GNL3: variants seen among roughly 807,000 people sequenced by gnomAD.
GNL3 encodes guanine nucleotide-binding protein-like 3.
A neutral mutation model predicts 70.6 loss-of-function variants in GNL3; 77 were observed. The ratio of observed to expected loss-of-function variants is 1.09; its 90% CI spans 0.91 to 1.32. The LOEUF (loss-of-function observed/expected upper bound fraction) is 1.32. GNL3 is among the 40% of genes most tolerant of loss of function. GNL3 has a pLI of 0.00. For missense variants in GNL3, 634 were observed against 644.0 expected (o/e 0.98, Z 0.17); for synonymous variants, 252 against 216.1 (o/e 1.17, Z -1.46).
intron 6 of GNL3, 39 bp from the exon 7 acceptor site, chr3:52,690,553 G>T (rs200088226): frequency 9.2e-6 from 11 of 1,191,904 alleles, no homozygotes; most frequent in Non-Finnish European, 1.4e-5. Context: ...GTGAGCCACC[G>T]TGCCTGGCCG....
chr3:52,690,835 G>A lies in GNL3; in HGVS notation c.655-110G>A, dbSNP rs1287776354. 9.0e-6 allele frequency: 11 copies of A among 1,220,130 alleles called. No individual in the cohort carries two copies. In the African/African-American group the frequency reaches 1.7e-4, roughly 18 times the overall value. The allele number at this position is 1,220,130 out of a possible 1,614,324, so 75.6% of individuals were successfully genotyped here. A position where few individuals can be genotyped will look rare whatever the true frequency, so the allele number is the denominator to read the frequency against. On this transcript the variant is annotated intron_variant, in intron 7 of 14. Coordinates refer to ENST00000418458, the MANE Select transcript of GNL3 (RefSeq NM_014366.5). The stretch of plus-strand genomic sequence containing the variant: ...CTCTGATTTCAGCCAGAGATCATCT[G>A]AAAGGCAATGTAGTTATCTTAAGAG...
chr3:52,685,970 CAG>C, upstream of GNL3: 1 of 756,112 alleles, frequency 1.3e-6, no homozygotes, highest in Non-Finnish European at 2.5e-6. Context: ...CCCGCGCACG[CAG>C]AGAGGCGGTG....
In GNL3 at chr3:52,693,531, AC is replaced by A. The variant is rs2097329451; in HGVS notation, c.1312del (p.Gln438ArgfsTer3). On this transcript the variant is annotated frameshift_variant, in exon 12 of 15. Coordinates refer to ENST00000418458, the MANE Select transcript of GNL3 (RefSeq NM_014366.5). LOFTEE classifies it high-confidence loss of function. ...TGGAAGAACTGGAAAAGAACAATGC[AC>A]AGAGCATAAGAGGTGAGAATTGTGT... ...NLEELEKNNA[Q>X]SIRAIKGPHL... 6.2e-7 allele frequency: 1 copy of A among 1,614,212 alleles called. No individual in the cohort carries two copies. Among genetic ancestry groups the A allele is most frequent in the East Asian group, 2.2e-5 (1 of 44,888 alleles).
chr3:52,694,079 GCA>G lies in GNL3; in HGVS notation c.1545_1546del (p.Leu516ValfsTer2). On this transcript the variant is annotated frameshift_variant, in exon 14 of 15. Transcript: ENST00000418458. LOFTEE classifies it low-confidence loss of function (END_TRUNC). ...GMFAAEETGE[A>X]LSEETTAGEQ... ...GTTTGCTGCAGAAGAGACAGGGGAGGCACTGTCTGAGGAGACTACAGCAGGTG... is the reference window on the plus strand; with the variant it reads ...GTTTGCTGCAGAAGAGACAGGGGAGGCTGTCTGAGGAGACTACAGCAGGTG... 9.3e-6 allele frequency: 15 copies of G among 1,613,052 alleles called. No homozygotes were observed. Among genetic ancestry groups the G allele is most frequent in the African/African-American group, 1.3e-5 (1 of 75,028 alleles).
In GNL3 at chr3:52,694,246, G is replaced by C; in HGVS notation, c.1621G>C (p.Ala541Pro). Residue 541 changes from alanine to proline, a missense_variant, in exon 15 of 15, where the codon GCT becomes CCT. Ala to Pro is a conservative substitution (Grantham distance 27). Coordinates refer to ENST00000418458, the MANE Select transcript of GNL3 (RefSeq NM_014366.5). The part of the protein sequence containing the change: ...ILDKIIEEDD[A>P]YDFSTDYV ...GGATAAAATCATTGAAGAGGATGAT[G>C]CTTATGACTTCAGTACAGATTATGT... is the stretch of plus-strand genomic sequence containing the variant. The C allele has an allele frequency of 6.3e-7, 1 of 1,581,736 alleles. No homozygotes were observed. The highest frequency in any genetic ancestry group is 1.1e-5 in the South Asian group (1 of 90,406).
intron 2 of GNL3, 71 bp from the exon 3 acceptor site, chr3:52,687,175 G>T (rs1325063925): frequency 1.3e-5 from 17 of 1,332,196 alleles, no homozygotes; most frequent in Non-Finnish European, 1.7e-5. Context: ...AGCCAGATTG[G>T]TTTCTCACTT....
intron 2 of GNL3, 151 bp downstream of exon 2, chr3:52,686,978 A>G (rs575383320): frequency 1.5e-6 from 1 of 646,410 alleles, no homozygotes; most frequent in South Asian, 1.9e-5. Context: ...AGGCATCAGG[A>G]GTGCAGCTGT....
chr3:52,691,292 G>T, intron 8 of GNL3: 1 of 607,030 alleles, frequency 1.6e-6, no homozygotes, highest in South Asian at 2.1e-5. Context: ...TTTTTTGTTG[G>T]GACTGATTAC....
At chr3:52,688,018 G>C in intron 4 of GNL3, 91 bp from the exon 5 acceptor site, 1 of 771,492 alleles carries the variant, frequency 1.3e-6, no homozygotes, top group Non-Finnish European at 2.4e-6. Context: ...TTTAACAACT[G>C]CAAGGGCTGC....
intron 6 of GNL3, 62 bp downstream of exon 6, chr3:52,689,268 G>T: frequency 2.1e-6 from 3 of 1,416,644 alleles, no homozygotes; most frequent in Non-Finnish European, 3.0e-6. Context: ...GAAACAGTCT[G>T]ATAGTCACTG....
chr3:52,688,781 A>G (rs1035923793), intron 5 of GNL3: 6 of 379,512 alleles, frequency 1.6e-5, no homozygotes, highest in African/African-American at 4.2e-5. Flanking sequence ...AGAAGGACCT[A>G]TCAAACTATA....
At chr3:52,689,709 T>C (rs567341576) in intron 6 of GNL3, among the ~76,000 whole-genome samples, 1 of 152,286 alleles carries the variant, frequency 6.6e-6, no homozygotes, top group South Asian at 2.1e-4. Context: ...AATTGGCTGC[T>C]TGGGAGGCTG....
chr3:52,687,808 G>C (rs1051698084), intron 4 of GNL3, 193 bp downstream of exon 4: 9 of 596,274 alleles, frequency 1.5e-5, no homozygotes, highest in African/African-American at 1.5e-4. Flanking sequence ...ATTTTTTTTA[G>C]CAGACACGGG....
chr3:52,691,151 C>A, intron 8 of GNL3, 80 bp downstream of exon 8: 1 of 1,276,548 alleles, frequency 7.8e-7, no homozygotes, highest in Non-Finnish European at 1.1e-6. Flanking sequence ...AGTGCCCAAG[C>A]AGCAGTGTAT....
chr3:52,692,034 A>C (rs1447196320), intron 9 of GNL3, among the ~76,000 whole-genome samples: 1 of 152,088 alleles, frequency 6.6e-6, no homozygotes, highest in Non-Finnish European at 1.5e-5. Flanking sequence ...GTGAAAGCAG[A>C]GATTTAAGCC....
chr3:52,690,969 G>A lies in GNL3; in HGVS notation c.679G>A (p.Ala227Thr), dbSNP rs2097326674. The change falls in exon 8 of 15, where the codon GCT becomes ACT. Residue 227 changes from alanine to threonine, a missense_variant. Coordinates refer to ENST00000418458, the MANE Select transcript of GNL3 (RefSeq NM_014366.5). ...TKRVKAKKNA[A>T]PFRSEVCFGK... ...GCGTGTGAAGGCAAAGAAGAATGCT[G>A]CTCCATTCAGAAGTGAAGTCTGCTT... 2 of 1,613,736 alleles carry A rather than the reference G, an allele frequency of 1.2e-6. No individual in the cohort carries two copies. Among genetic ancestry groups the A allele is most frequent in the African/African-American group, 1.3e-5 (1 of 74,934 alleles).
At chr3:52,690,204 A>G (rs1157514390) in intron 6 of GNL3, among the ~76,000 whole-genome samples, 4 of 152,244 alleles carry the variant, frequency 2.6e-5, no homozygotes, top group African/African-American at 9.6e-5. Context: ...AGTAAAATCT[A>G]TAGTTGCCAG....
chr3:52,688,194 T>C lies in GNL3; in HGVS notation c.408+2T>C, dbSNP rs1158250526. The stretch of plus-strand genomic sequence containing the variant: ...CTGTACTGCCAAGAACTTAAAAAGG[T>C]ATCTTAGCCTAGGTCAGTGTCTGAC... On this transcript the variant is annotated splice_donor_variant, in intron 5 of 14. Coordinates refer to ENST00000418458, the MANE Select transcript of GNL3 (RefSeq NM_014366.5). LOFTEE classifies it high-confidence loss of function. 1.9e-6 allele frequency: 3 copies of C among 1,543,196 alleles called. No homozygotes were observed. The highest frequency in any genetic ancestry group is 1.4e-5 in the African/African-American group (1 of 73,684).
rs1578580542 is a variant in GNL3, at chr3:52,693,267, C to T, written c.1125C>T (p.His375=). 1 of 1,613,940 alleles carries T rather than the reference C, an allele frequency of 6.2e-7. No homozygotes were observed. Among genetic ancestry groups the T allele is most frequent in the South Asian group, 1.1e-5 (1 of 91,074 alleles). ...FTVLAQRRGM[H]QKGGIPNVEG... is the part of the protein sequence containing the mutation. ...TGCTTGCTCAGAGAAGAGGTATGCA[C>T]CAAAAAGGTGGAATCCCAAATGTTG... Residue 375 remains histidine (H), a synonymous_variant, in exon 11 of 15, where the codon CAC becomes CAT. Transcript: ENST00000418458.
Sources: allele counts gnomAD v4.1 joint callset (sites outside exome capture counted in the v4.1 genomes callset), GRCh38; gene constraint gnomAD v4.1.1; transcripts MANE v1.5; gene names NCBI Gene and HGNC (gene_info 2026-07-23, HGNC 2026-07-21).